The following TCF4 variants were observed in gnomAD, a reference collection of about 807,000 sequenced individuals.
TCF4 encodes transcription factor 4.
A neutral mutation model predicts 82.1 loss-of-function variants in TCF4; 3 were observed. That is an observed-to-expected ratio of 0.04 (90% CI 0.02 to 0.09). The LOEUF is 0.09. TCF4 is among the 10% of genes least tolerant of loss of function. The pLI is 1.00. For synonymous variants in TCF4, 276 were observed against 309.6 expected (o/e 0.89, Z 1.14); for missense variants, 518 against 852.7 (o/e 0.61, Z 4.89).
chr18:55,246,718 T>C (rs2053349061), intron 15 of TCF4, among the ~76,000 whole-genome samples: 1 of 152,174 alleles, frequency 6.6e-6, no homozygotes, highest in Admixed American at 6.5e-5. Flanking sequence ...GTCCTTTTTT[T>C]TTTCAGTTTT....
chr18:55,357,521 G>A (rs1460169461), intron 6 of TCF4, among the ~76,000 whole-genome samples: 1 of 152,126 alleles, frequency 6.6e-6, no homozygotes, highest in East Asian at 1.9e-4. Flanking sequence ...AATATGACCT[G>A]TTAACATACT....
chr18:55,585,866 C>G (rs1015820998), intron 2 of TCF4: 10 of 1,178,452 alleles, frequency 8.5e-6, no homozygotes, highest in Admixed American at 8.5e-5. Flanking sequence ...GCAAGACTCT[C>G]TCTCTCTCTC....
At chr18:55,390,270 G>A (rs2092958677) in intron 6 of TCF4, among the ~76,000 whole-genome samples, 2 of 123,852 alleles carry the variant, frequency 1.6e-5, no homozygotes, top group South Asian at 2.6e-4. Context: ...GGGCAACACA[G>A]CAGGACCCTG....
chr18:55,475,116 A>G (rs2096264019), intron 3 of TCF4, among the ~76,000 whole-genome samples: 1 of 152,196 alleles, frequency 6.6e-6, no homozygotes, highest in African/African-American at 2.4e-5. Flanking sequence ...TCCATAATCC[A>G]TATTCCAATA....
At chr18:55,621,801 G>A (rs1213268204) in intron 2 of TCF4, among the ~76,000 whole-genome samples, 12 of 87,600 alleles carry the variant, frequency 1.4e-4, no homozygotes, top group Non-Finnish European at 2.4e-4. Flanking sequence ...TATATTATAT[G>A]TTATATTATA....
At chr18:55,254,388 A>G in intron 15 of TCF4, 109 bp downstream of exon 15, 1 of 1,051,392 alleles carries the variant, frequency 9.5e-7, no homozygotes, top group Middle Eastern at 2.9e-4. Flanking sequence ...ATGTTAAGTG[A>G]ATTATATCTC....
intron 5 of TCF4, among the ~76,000 whole-genome samples, chr18:55,456,875 A>G (rs1272499973): frequency 6.6e-6 from 1 of 152,190 alleles, no homozygotes; most frequent in Non-Finnish European, 1.5e-5. Context: ...GGTTTCATCA[A>G]ATTGTTTAAA....
At chr18:55,299,115 TA>T (rs1424772942) in intron 8 of TCF4, among the ~76,000 whole-genome samples, 1 of 152,166 alleles carries the variant, frequency 6.6e-6, no homozygotes, top group Non-Finnish European at 1.5e-5. Context: ...ATCTCACATT[TA>T]AAAAACTTTC....
intron 2 of TCF4, among the ~76,000 whole-genome samples, chr18:55,598,801 G>A (rs988602482): frequency 1.3e-4 from 20 of 152,210 alleles, no homozygotes; most frequent in Non-Finnish European, 2.6e-4. Flanking sequence ...AAGGTTTAGA[G>A]CCATCAAATA....
intron 8 of TCF4, chr18:55,332,358 G>T (rs1453834634): frequency 6.6e-6 from 1 of 151,242 alleles, no homozygotes; most frequent in African/African-American, 2.4e-5. Flanking sequence ...TTGTTGCATT[G>T]TTAACAGAAA....
intron 2 of TCF4, among the ~76,000 whole-genome samples, chr18:55,600,630 C>T (rs1009434598): frequency 2.3e-4 from 35 of 152,152 alleles, no homozygotes; most frequent in Non-Finnish European, 1.2e-4. Context: ...GAAGTGGTCA[C>T]CCTCATGTAC....
At chr18:55,570,577 A>T in intron 3 of TCF4, among the ~76,000 whole-genome samples, 1 of 152,158 alleles carries the variant, frequency 6.6e-6, no homozygotes, top group Non-Finnish European at 1.5e-5. Context: ...TTATCAAGGA[A>T]ATGCAAATTA....
intron 3 of TCF4, among the ~76,000 whole-genome samples, chr18:55,581,400 T>G (rs1423260445): frequency 1.3e-5 from 2 of 152,066 alleles, no homozygotes; most frequent in East Asian, 3.8e-4. Context: ...ATACCCAAAA[T>G]TCTGTGATTC....
chr18:55,232,085 A>G (rs2048078943), intron 17 of TCF4: 1 of 181,246 alleles, frequency 5.5e-6, no homozygotes, highest in Admixed American at 5.5e-5. Flanking sequence ...TGTTTAGGAT[A>G]AATCTAGGAA....
chr18:55,420,786 A>G (rs1443593705), intron 5 of TCF4, among the ~76,000 whole-genome samples: 1 of 152,106 alleles, frequency 6.6e-6, no homozygotes, highest in Admixed American at 6.5e-5. Flanking sequence ...AGATTTCATT[A>G]GATGTGGTTT....
Position 55,254,586 on chromosome 18 carries a change from T to G in TCF4, c.1261A>C (p.Ile421Leu), listed in dbSNP as rs1439333717. The change falls in exon 15 of 20, where the codon ATC becomes CTC. Residue 421 changes from isoleucine (I) to leucine (L), a missense_variant. Physicochemically the swap from Ile to Leu is conservative, Grantham distance 5. Around this residue, in one of 7 missense-constraint regions of TCF4, gnomAD observed 144 missense variants for 190.2 expected, o/e 0.76. Coordinates refer to ENST00000354452, the MANE Select transcript of TCF4 (RefSeq NM_001083962.2). The part of the protein sequence containing the change: ...MPGGHGDMHG[I>L]IGPSHNGAMG... The stretch of plus-strand genomic sequence containing the variant: ...GCTCCATTATGAGAAGGTCCAATGA[T>G]TCCATGCATGTCCCCATGACCACCA... The G allele has an allele frequency of 6.2e-7, 1 of 1,613,796 alleles. No individual in the cohort carries two copies. The highest frequency in any genetic ancestry group is 1.1e-5 in the South Asian group (1 of 91,072).
At chr18:55,424,755 T>C (rs1417286734) in intron 5 of TCF4, among the ~76,000 whole-genome samples, 1 of 152,228 alleles carries the variant, frequency 6.6e-6, no homozygotes, top group Non-Finnish European at 1.5e-5. Flanking sequence ...AGGTAATTTA[T>C]AACAGTTTTT....
At chr18:55,610,933 T>G (rs555814500) in intron 2 of TCF4, among the ~76,000 whole-genome samples, 5 of 152,204 alleles carry the variant, frequency 3.3e-5, no homozygotes, top group African/African-American at 1.2e-4. Flanking sequence ...TCTTTTCTTA[T>G]GGTGAAGAGT....
At chr18:55,417,909 C>A (rs1429881826) in intron 5 of TCF4, among the ~76,000 whole-genome samples, 2 of 151,800 alleles carry the variant, frequency 1.3e-5, no homozygotes, top group Non-Finnish European at 1.5e-5. Flanking sequence ...ATAATAAAAA[C>A]TGAAACAGCT....
Sources: allele counts gnomAD v4.1 joint callset (sites outside exome capture counted in the v4.1 genomes callset), GRCh38; gene constraint gnomAD v4.1.1; regional missense constraint gnomAD v4.1.1; transcripts MANE v1.5; gene names NCBI Gene and HGNC (gene_info 2026-07-23, HGNC 2026-07-21).